MYBL2: variants seen among roughly 807,000 people sequenced by gnomAD.
The protein encoded by MYBL2 is MYB proto-oncogene like 2.
A neutral mutation model predicts 79.9 loss-of-function variants in MYBL2; 28 were observed. The observed-to-expected ratio is 0.35, with a 90% CI of 0.26 to 0.48. MYBL2 has a LOEUF of 0.48. Ranked by LOEUF, MYBL2 falls within the 20% of genes least tolerant of loss-of-function variation. The pLI is 0.99. For synonymous variants in MYBL2, 378 were observed against 361.2 expected, an observed-to-expected ratio of 1.05 and a Z score of -0.53; for missense variants, 735 against 893.9, an observed-to-expected ratio of 0.82 and a Z score of 2.27.
At chr20:43,698,080 T>TTTTTTG (rs149530290) in intron 6 of MYBL2, among the ~76,000 whole-genome samples, 15 of 122,504 alleles carry the variant, frequency 1.2e-4, no homozygotes, top group East Asian at 2.4e-4. Flanking sequence ...TTTTTTTTTT[T>TTTTTTG]ATCTTGTTAC....
intron 2 of MYBL2, among the ~76,000 whole-genome samples, chr20:43,677,351 T>C (rs955442970): frequency 3.3e-5 from 5 of 152,182 alleles, no homozygotes; most frequent in African/African-American, 1.2e-4. Flanking sequence ...CTGCTAATTG[T>C]AAGATGAGTG....
At chr20:43,691,356 C>G (rs1987402897) in intron 5 of MYBL2, among the ~76,000 whole-genome samples, 1 of 151,704 alleles carries the variant, frequency 6.6e-6, no homozygotes, top group Non-Finnish European at 1.5e-5. Flanking sequence ...GAGTCTCACT[C>G]TGTTGCCCAG....
At chr20:43,690,406 A>G (rs1308946998) in intron 5 of MYBL2, among the ~76,000 whole-genome samples, 1 of 151,968 alleles carries the variant, frequency 6.6e-6, no homozygotes, top group Non-Finnish European at 1.5e-5. Context: ...GGATTTCACC[A>G]TGTTGGCCAG....
At chr20:43,686,179 G>A (rs1429886678) in intron 4 of MYBL2, among the ~76,000 whole-genome samples, 1 of 152,206 alleles carries the variant, frequency 6.6e-6, no homozygotes, top group African/African-American at 2.4e-5. Flanking sequence ...GCCAAAAGAA[G>A]CATCCACTCT....
intron 9 of MYBL2, among the ~76,000 whole-genome samples, chr20:43,706,737 A>C (rs1987793995): frequency 2.5e-4 from 1 of 3,924 alleles, no homozygotes; most frequent in African/African-American, 1.3e-3. Context: ...TTTTTTTGAG[A>C]TGGAGTCTTG....
chr20:43,711,579 A>T lies in MYBL2; in HGVS notation c.1697A>T (p.Glu566Val). The T allele has an allele frequency of 6.2e-7, 1 of 1,613,230 alleles. No homozygotes were observed. Among genetic ancestry groups the T allele is most frequent in the Non-Finnish European group, 8.5e-7 (1 of 1,179,634 alleles). Residue 566 changes from glutamate (E) to valine (V), a missense_variant, in exon 11 of 14, where the codon GAG (glutamate) becomes GTG (valine). Transcript: ENST00000217026. ...ELIIEDDIRP[E>V]KQKRKPGLRR... ...ATCATCGAGGACGACATCAGGCCCG[A>T]GAAGCAGAAGAGGAAGCCTGGGGTG...
Position 43,675,897 on chromosome 20 carries a change from G to A in MYBL2, c.114+1998G>A, listed in dbSNP as rs1398352388. Among the ~76,000 whole-genome samples, 4 of 128,452 alleles carry A rather than the reference G, an allele frequency of 3.1e-5. No individual in the cohort carries two copies. In the East Asian group the frequency reaches 9.2e-4, roughly 29 times the overall value. 84.3% of individuals were successfully genotyped at this position (128,452 alleles called of 152,430 possible). A position where few individuals can be genotyped will look rare whatever the true frequency, so the allele number is the denominator to read the frequency against. On this transcript the variant is annotated intron_variant, in intron 2 of 13. Coordinates refer to ENST00000217026, the MANE Select transcript of MYBL2 (RefSeq NM_002466.4). ...TTTTGTTACCTAGGTAATAAGCGTGGTACCCAATAGGTAGTTTTTTTTTTT... is the reference window on the plus strand; with the variant it reads ...TTTTGTTACCTAGGTAATAAGCGTGATACCCAATAGGTAGTTTTTTTTTTT...
At position 43,692,146 on chromosome 20, in the gene MYBL2, GC is replaced by G. The variant is rs755185552; in HGVS notation, c.501-6del. On this transcript the variant is annotated splice_polypyrimidine_tract_variant and intron_variant, in intron 5 of 13. Transcript: ENST00000217026. Reference sequence around the variant, plus strand: ...AGCTGGGGTTCAAAGGCCCCCTGCTGCCCCCTGCAGGACAGACAATGCTGTG... The same window carrying G: ...AGCTGGGGTTCAAAGGCCCCCTGCTGCCCCTGCAGGACAGACAATGCTGTG... The G allele has an allele frequency of 1.3e-5, 21 of 1,612,856 alleles. No individual in the cohort carries two copies. The highest frequency in any genetic ancestry group is 1.7e-5 in the Non-Finnish European group (20 of 1,179,382).
chr20:43,686,764 CATG>C, intron 4 of MYBL2, 85 bp from the exon 5 acceptor site: 1 of 1,334,822 alleles, frequency 7.5e-7, no homozygotes, highest in Middle Eastern at 2.3e-4. Context: ...CTCTCAGGGC[CATG>C]GCAAGGCTCA....
chr20:43,699,702 A>G (rs1226929229), intron 6 of MYBL2, 55 bp from the exon 7 acceptor site: 3 of 1,574,962 alleles, frequency 1.9e-6, no homozygotes, highest in East Asian at 4.5e-5. Context: ...GCTGGAAACT[A>G]CTATATAGTC....
In MYBL2 at chr20:43,692,240, A is replaced by T. The variant is rs772943171; in HGVS notation, c.584A>T (p.Asp195Val). Residue 195 changes from aspartate (D) to valine (V), a missense_variant, in exon 6 of 14, where the codon GAC becomes GTC. By Grantham distance (152) the Asp-to-Val change is radical (BLOSUM62 -3). Coordinates refer to ENST00000217026, the MANE Select transcript of MYBL2 (RefSeq NM_002466.4). The stretch of plus-strand genomic sequence containing the variant: ...GGAGGCTTCTTGAGCGAGTCCAAAG[A>T]CTGCAAGCCCCCAGTGTACTTGCTG... ...DTGGFLSESK[D>V]CKPPVYLLLE... The T allele has an allele frequency of 1.9e-6, 3 of 1,614,212 alleles. No homozygotes were observed. In the East Asian group the frequency reaches 6.7e-5, roughly 36 times the overall value.
intron 1 of MYBL2, among the ~76,000 whole-genome samples, chr20:43,668,304 G>A (rs1386187431): frequency 3.4e-5 from 5 of 146,482 alleles, no homozygotes; most frequent in African/African-American, 1.0e-4. Flanking sequence ...AGGTTCAAGC[G>A]ATTCTCCTGC....
At chr20:43,716,480 CTT>C (rs1988037244) in exon 14 of MYBL2, 1 of 234,816 alleles carries the variant, frequency 4.3e-6, no homozygotes, top group Non-Finnish European at 8.2e-6. Flanking sequence ...TTGCCTCTCT[CTT>C]TGTGCTGGTC....
At chr20:43,703,094 C>T (rs977612758) in intron 8 of MYBL2, among the ~76,000 whole-genome samples, 191 bp downstream of exon 8, 1 of 152,154 alleles carries the variant, frequency 6.6e-6, no homozygotes, top group Non-Finnish European at 1.5e-5. Flanking sequence ...TATGGTGCTG[C>T]ATATGTGTAT....
At chr20:43,695,427 A>G (rs58071735) in intron 6 of MYBL2, among the ~76,000 whole-genome samples, 1,565 of 152,286 alleles carry the variant, frequency 0.01, 33 homozygotes, top group African/African-American at 0.036. Context: ...TGATGTAGAT[A>G]AGGGTATTAC....
intron 4 of MYBL2, among the ~76,000 whole-genome samples, chr20:43,683,647 G>A (rs1987199557): frequency 2.0e-5 from 3 of 148,006 alleles, no homozygotes; most frequent in South Asian, 2.2e-4. Flanking sequence ...TCCGCCTCCC[G>A]GGTTCAAGCG....
chr20:43,688,249 T>G (rs1259921883), intron 5 of MYBL2, among the ~76,000 whole-genome samples: 1 of 151,896 alleles, frequency 6.6e-6, no homozygotes, highest in African/African-American at 2.4e-5. Flanking sequence ...TCATCCAGGC[T>G]GGAGTGCAGT....
At chr20:43,678,090 G>A (rs1001074717) in intron 2 of MYBL2, among the ~76,000 whole-genome samples, 2 of 150,224 alleles carry the variant, frequency 1.3e-5, no homozygotes, top group Non-Finnish European at 2.9e-5. Flanking sequence ...TTGTTAAACA[G>A]ACGCTTGAAG....
chr20:43,673,785 C>G, intron 1 of MYBL2, 21 bp from the exon 2 acceptor site: 1 of 1,571,398 alleles, frequency 6.4e-7, no homozygotes, highest in Non-Finnish European at 8.6e-7. Flanking sequence ...ATCCTTGACC[C>G]TTGGCCTGCT....
Sources: gnomAD v4.1 joint callset for allele counts (sites outside exome capture counted in the v4.1 genomes callset) on GRCh38, gnomAD v4.1.1 for gene constraint, MANE v1.5 for transcripts, NCBI Gene and HGNC (gene_info 2026-07-23, HGNC 2026-07-21) for gene names.